The following TLK2 variants were observed in gnomAD, a reference collection of about 807,000 sequenced individuals.
TLK2 encodes the protein tousled like kinase 2.
A neutral mutation model predicts 117.3 loss-of-function variants in TLK2; 6 were observed. The ratio of observed to expected loss-of-function variants is 0.05; its 90% CI spans 0.03 to 0.10. The LOEUF (loss-of-function observed/expected upper bound fraction) is 0.10, where lower values mean the gene tolerates loss of function less well. TLK2 is among the 10% of genes least tolerant of loss of function. TLK2 has a pLI of 1.00. For synonymous variants in TLK2, 257 were observed against 316.7 expected, an observed-to-expected ratio of 0.81 and a Z score of 2.00; for missense variants, 299 against 901.2, an observed-to-expected ratio of 0.33 and a Z score of 8.56.
intron 1 of TLK2, among the ~76,000 whole-genome samples, chr17:62,480,032 T>C (rs971468941): frequency 1.4e-4 from 22 of 152,270 alleles, no homozygotes; most frequent in Admixed American, 1.2e-3. Flanking sequence ...TGCACTTGCA[T>C]GTGTGGGTGA....
chr17:62,499,088 C>A (rs1198692749), intron 2 of TLK2, among the ~76,000 whole-genome samples: 3 of 151,932 alleles, frequency 2.0e-5, no homozygotes, highest in African/African-American at 7.3e-5. Flanking sequence ...TGCCTGTAAT[C>A]CCAGCACTTT....
chr17:62,597,772 T>C (rs888842194), intron 17 of TLK2, among the ~76,000 whole-genome samples: 7 of 152,194 alleles, frequency 4.6e-5, no homozygotes, highest in Non-Finnish European at 1.0e-4. Context: ...TAGTTATTAA[T>C]TGTGGGCATT....
chr17:62,516,438 A>G, intron 2 of TLK2: 1 of 1,592,688 alleles, frequency 6.3e-7, no homozygotes, highest in East Asian at 2.3e-5. Flanking sequence ...CACTCCTCAT[A>G]TACAGACCTT....
In TLK2 at chr17:62,505,134, C is replaced by T. The variant is rs2074561390; in HGVS notation, c.82-15639C>T. Among the ~76,000 whole-genome samples, 4 of 152,094 alleles carry T rather than the reference C, an allele frequency of 2.6e-5. No individual in the cohort carries two copies. In the South Asian group the frequency reaches 8.3e-4, roughly 32 times the overall value. On this transcript the variant is annotated intron_variant, in intron 2 of 21. Transcript: ENST00000346027. ...GAATTACAGGTGTGAGCCACTCTGC[C>T]TGGCCGTGATTTTATTTTAAAAGTA... is the stretch of plus-strand genomic sequence containing the variant.
chr17:62,602,200 G>C lies in TLK2; in HGVS notation c.1859+20G>C. On this transcript the variant is annotated intron_variant, in intron 19 of 21. Coordinates refer to ENST00000346027, the MANE Select transcript of TLK2 (RefSeq NM_006852.6). ...TTATTGGTAGGTATCCAGGAGCTCT[G>C]CCAGGTTGGCTATAGAGATGTGGCT... 1 of 1,611,240 alleles carries C rather than the reference G, an allele frequency of 6.2e-7. No individual in the cohort carries two copies. Among genetic ancestry groups the C allele is most frequent in the Non-Finnish European group, 8.5e-7 (1 of 1,178,676 alleles).
intron 15 of TLK2, among the ~76,000 whole-genome samples, chr17:62,580,884 G>A (rs930650888): frequency 4.6e-5 from 7 of 152,014 alleles, no homozygotes; most frequent in African/African-American, 1.7e-4. Flanking sequence ...TCACTGTTAG[G>A]ATTTATGTTA....
intron 2 of TLK2, among the ~76,000 whole-genome samples, chr17:62,500,181 C>T (rs985353270): frequency 2.6e-5 from 4 of 151,690 alleles, no homozygotes; most frequent in African/African-American, 7.3e-5. Context: ...GTGATCCTCC[C>T]GCCTCAGCCT....
chr17:62,557,801 CCTAACTTGGTACTG>C (rs1319329080), intron 9 of TLK2, among the ~76,000 whole-genome samples: 1 of 152,158 alleles, frequency 6.6e-6, no homozygotes, highest in Non-Finnish European at 1.5e-5. Flanking sequence ...AAACTTGAAT[CCTAACTTGGTACTG>C]CTTTAGGAGT....
At chr17:62,488,123 C>T (rs1404093201) in intron 2 of TLK2, among the ~76,000 whole-genome samples, 3 of 151,502 alleles carry the variant, frequency 2.0e-5, no homozygotes, top group Admixed American at 6.6e-5. Flanking sequence ...TTAATAGAGA[C>T]GAGGTTTTAC....
At chr17:62,572,656 G>A (rs2080403364) in intron 11 of TLK2, among the ~76,000 whole-genome samples, 1 of 152,084 alleles carries the variant, frequency 6.6e-6, no homozygotes, top group Admixed American at 6.5e-5. Flanking sequence ...CTTAATCTAG[G>A]TGTCACTGTA....
At chr17:62,512,213 CTTTTTTTTTTTT>C (rs35913164) in intron 2 of TLK2, among the ~76,000 whole-genome samples, 2 of 40,616 alleles carry the variant, frequency 4.9e-5, no homozygotes, top group South Asian at 1.5e-3. Context: ...ATCACCCCTC[CTTTTTTTTTTTT>C]TTTTTTTTTT....
chr17:62,564,044 G>A (rs2079523802), intron 10 of TLK2, among the ~76,000 whole-genome samples: 1 of 152,116 alleles, frequency 6.6e-6, no homozygotes, highest in Non-Finnish European at 1.5e-5. Flanking sequence ...CAGAAAATAG[G>A]GAAACAGCTT....
intron 10 of TLK2, among the ~76,000 whole-genome samples, chr17:62,560,758 A>G (rs1477009746): frequency 2.0e-5 from 3 of 151,746 alleles, no homozygotes; most frequent in African/African-American, 7.3e-5. Flanking sequence ...GATTCAAGCA[A>G]TTCTCCTGCC....
chr17:62,593,380 C>T (rs149815060), intron 16 of TLK2, among the ~76,000 whole-genome samples: 1 of 152,276 alleles, frequency 6.6e-6, no homozygotes, highest in African/African-American at 2.4e-5. Context: ...CCTTCACTTA[C>T]TGTAACATTT....
At position 62,568,767 on chromosome 17, in the gene TLK2, T is replaced by A. The variant is rs1226545524; in HGVS notation, c.968+3630T>A. On this transcript the variant is annotated intron_variant, in intron 11 of 21. Transcript: ENST00000346027. ...GCCTGATGAATTTTTGTATTTTTAG[T>A]AGAGACGGGGTTTTGCCATGTTGGC... is the stretch of plus-strand genomic sequence containing the variant. 3.9e-5 allele frequency among the ~76,000 whole-genome samples: 6 copies of A among 152,006 alleles called. No homozygotes were observed. In the East Asian group the frequency reaches 1.2e-3, roughly 30 times the overall value.
At chr17:62,488,665 G>C (rs868834248) in intron 2 of TLK2, among the ~76,000 whole-genome samples, 1 of 151,938 alleles carries the variant, frequency 6.6e-6, no homozygotes. Flanking sequence ...AATCCAGACT[G>C]TTTTTATTCA....
At chr17:62,500,145 C>G (rs2074069626) in intron 2 of TLK2, among the ~76,000 whole-genome samples, 1 of 151,870 alleles carries the variant, frequency 6.6e-6, no homozygotes, top group Non-Finnish European at 1.5e-5. Flanking sequence ...TCATAGTTCA[C>G]TGCAGCCTTA....
In TLK2 at chr17:62,588,450, G is replaced by T. The variant is rs148777456; in HGVS notation, c.1460+2224G>T. Reference sequence around the variant, plus strand: ...ACAGAATCAGAGAGCACGTGAAGGGGATGGTCCTATTTGTCTAAGTTCTTT... The same window carrying T: ...ACAGAATCAGAGAGCACGTGAAGGGTATGGTCCTATTTGTCTAAGTTCTTT... On this transcript the variant is annotated intron_variant, in intron 16 of 21. Coordinates refer to ENST00000346027, the MANE Select transcript of TLK2 (RefSeq NM_006852.6). Among the ~76,000 whole-genome samples the T allele has an allele frequency of 2.8e-4, 42 of 152,342 alleles. No individual in the cohort carries two copies. The East Asian group carries it at 3.9e-3, about 14-fold the overall frequency.
chr17:62,571,562 T>G (rs913099898), intron 11 of TLK2, among the ~76,000 whole-genome samples: 1 of 152,226 alleles, frequency 6.6e-6, no homozygotes, highest in Non-Finnish European at 1.5e-5. Context: ...CAGAAAACTC[T>G]TGAATTATCA....
Sources: gnomAD v4.1 joint callset for allele counts (sites outside exome capture counted in the v4.1 genomes callset) on GRCh38, gnomAD v4.1.1 for gene constraint, MANE v1.5 for transcripts, NCBI Gene and HGNC (gene_info 2026-07-23, HGNC 2026-07-21) for gene names.